Variants in USP33 observed in about 807,000 individuals in gnomAD.
The protein encoded by USP33 is ubiquitin specific peptidase 33.
USP33 carries 46 observed loss-of-function variants against 124.2 expected under a neutral mutation model. That is an observed-to-expected ratio of 0.37 (90% confidence interval 0.29 to 0.47). USP33 has a LOEUF of 0.47. USP33 is among the 20% of genes least tolerant of loss of function. The pLI is 0.99. For missense variants in USP33, 851 were observed against 1,070.6 expected (o/e 0.79, Z 2.86); for synonymous variants, 350 against 352.3 (o/e 0.99, Z 0.07).
chr1:77,739,510 C>T (rs1209162434), intron 4 of USP33, 93 bp from the exon 5 acceptor site: 1 of 1,260,978 alleles, frequency 7.9e-7, no homozygotes, highest in Non-Finnish European at 1.1e-6. Context: ...AAACTGCTTG[C>T]CTTTGATGAG....
intron 21 of USP33, among the ~76,000 whole-genome samples, chr1:77,708,376 T>A (rs530269955): frequency 6.6e-6 from 1 of 152,296 alleles, no homozygotes; most frequent in African/African-American, 2.4e-5. Context: ...TAAGTAGGGT[T>A]TTGCCACCAC....
chr1:77,747,549 C>T (rs1679869056), intron 1 of USP33, among the ~76,000 whole-genome samples: 1 of 152,162 alleles, frequency 6.6e-6, no homozygotes, highest in South Asian at 2.1e-4. Context: ...TGAGCCACTG[C>T]ACCAAGCCTA....
chr1:77,751,746 T>G (rs1680356560), intron 1 of USP33, among the ~76,000 whole-genome samples: 1 of 151,928 alleles, frequency 6.6e-6, no homozygotes, highest in African/African-American at 2.4e-5. Flanking sequence ...TTGAGTGCAG[T>G]GGCGCGATCT....
intron 1 of USP33, among the ~76,000 whole-genome samples, chr1:77,749,680 C>G (rs970452348): frequency 6.6e-6 from 1 of 152,160 alleles, no homozygotes; most frequent in Non-Finnish European, 1.5e-5. Context: ...CTGCACCCAG[C>G]CTGGTTTTAT....
At chr1:77,710,808 T>C (rs891029316) in intron 21 of USP33, among the ~76,000 whole-genome samples, 1 of 152,222 alleles carries the variant, frequency 6.6e-6, no homozygotes, top group African/African-American at 2.4e-5. Context: ...AGTAGATTTA[T>C]GAATAAACGT....
At chr1:77,721,228 A>G (rs747466386) in intron 14 of USP33, 23 bp from the exon 15 acceptor site, 4 of 1,613,448 alleles carry the variant, frequency 2.5e-6, no homozygotes, top group Admixed American at 1.7e-5. Context: ...CAGATCTGGC[A>G]TTGGTTTCAA....
chr1:77,753,536 A>C (rs1294088813), intron 1 of USP33, among the ~76,000 whole-genome samples: 1 of 152,188 alleles, frequency 6.6e-6, no homozygotes, highest in African/African-American at 2.4e-5. Context: ...TCTGGAATAC[A>C]GTATTTTATT....
At chr1:77,751,864 A>G (rs922946107) in intron 1 of USP33, among the ~76,000 whole-genome samples, 1 of 151,718 alleles carries the variant, frequency 6.6e-6, no homozygotes, top group African/African-American at 2.4e-5. Flanking sequence ...AATTTTTTGT[A>G]TTTCCAGTAG....
chr1:77,705,137 C>T, intron 21 of USP33, among the ~76,000 whole-genome samples: 1 of 134,124 alleles, frequency 7.5e-6, no homozygotes. Context: ...AGGGGGGGGG[C>T]TGAATAAAAC....
chr1:77,750,208 C>T (rs1570868665), intron 1 of USP33, among the ~76,000 whole-genome samples: 1 of 152,068 alleles, frequency 6.6e-6, no homozygotes, highest in East Asian at 1.9e-4. Flanking sequence ...ATCCCAGCTA[C>T]TCGGGAGGCT....
At position 77,729,501 on chromosome 1, in the gene USP33, T is replaced by C. The variant is rs542830881; in HGVS notation, c.717+359A>G. 1.2e-4 allele frequency among the ~76,000 whole-genome samples: 18 copies of C among 151,462 alleles called. No individual in the cohort carries two copies. In the South Asian group the frequency reaches 2.3e-3, roughly 19 times the overall value. ...GCTTGGCCAACATGACGAAACCCTA[T>C]CTCTACTGAAAACACAAAAATTAGC... On this transcript the variant is annotated intron_variant, in intron 9 of 23. Coordinates refer to ENST00000370794, the MANE Select transcript of USP33 (RefSeq NM_201624.3).
In USP33 at chr1:77,728,615, G is replaced by C. The variant is rs143778703; in HGVS notation, c.815C>G (p.Thr272Ser). ...CTTGTCTTCTTCCATTGTCTCCTCA[G>C]TGGTTATGGTTTGCGGATCTTCTTC... Reference protein sequence around the residue: ...EVEEDPQTITTEETMEEDKSQ... With the variant: ...EVEEDPQTITSEETMEEDKSQ... The change falls in exon 10 of 24, where the codon ACT becomes AGT. Residue 272 changes from threonine to serine, a missense_variant. By Grantham distance (58) the Thr-to-Ser change is moderately conservative. Around this residue, in one of 4 missense-constraint regions of USP33, gnomAD observed 207 missense variants for 200.9 expected, o/e 1.03. Coordinates refer to ENST00000370794, the MANE Select transcript of USP33 (RefSeq NM_201624.3). The C allele has an allele frequency of 1.2e-6, 2 of 1,614,084 alleles. No homozygotes were observed. The highest frequency in any genetic ancestry group is 2.2e-5 in the South Asian group (2 of 91,084).
intron 1 of USP33, among the ~76,000 whole-genome samples, chr1:77,753,578 G>A (rs1680540676): frequency 6.6e-6 from 1 of 152,014 alleles, no homozygotes; most frequent in Non-Finnish European, 1.5e-5. Context: ...CAGAATAAGA[G>A]TGCCTCTCAT....
intron 1 of USP33, among the ~76,000 whole-genome samples, chr1:77,743,229 G>T (rs907662485): frequency 6.6e-6 from 1 of 152,100 alleles, no homozygotes; most frequent in Admixed American, 6.5e-5. Context: ...ACAGGTGTGA[G>T]CCACTGCGCC....
intron 21 of USP33, among the ~76,000 whole-genome samples, chr1:77,707,300 T>C (rs1674739820): frequency 6.6e-6 from 1 of 152,192 alleles, no homozygotes. Flanking sequence ...CTCCATTCCT[T>C]GCCTGTCATG....
At position 77,696,017 on chromosome 1, in the gene USP33, T is replaced by G. The variant is rs1311940773; in HGVS notation, c.*1300A>C. The G allele has an allele frequency of 6.6e-6, 1 of 152,242 alleles. No homozygotes were observed. Among genetic ancestry groups the G allele is most frequent in the Non-Finnish European group, 1.5e-5 (1 of 68,048 alleles). 9.4% of individuals were successfully genotyped at this position (152,242 alleles called of 1,614,324 possible). A position where few individuals can be genotyped will look rare whatever the true frequency, so the allele number is the denominator to read the frequency against. The stretch of plus-strand genomic sequence containing the variant: ...CATTTTAAAGACATTTTTATTGAGC[T>G]AATTTTAACAACATTGCTTTAGCTG... On this transcript the variant is annotated 3_prime_UTR_variant, in exon 24 of 24. Coordinates refer to ENST00000370794, the MANE Select transcript of USP33 (RefSeq NM_201624.3).
chr1:77,742,560 A>C (rs1417722537), intron 1 of USP33, among the ~76,000 whole-genome samples: 2 of 134,178 alleles, frequency 1.5e-5, no homozygotes, highest in Non-Finnish European at 3.1e-5. Context: ...TAAGGCTAAG[A>C]GATGCAAACT....
intron 11 of USP33, among the ~76,000 whole-genome samples, chr1:77,723,745 A>G (rs1338824186): frequency 6.6e-6 from 1 of 152,022 alleles, no homozygotes; most frequent in Non-Finnish European, 1.5e-5. Flanking sequence ...CTCACTGCCA[A>G]GTTCTGCCTC....
chr1:77,721,323 A>G lies in USP33; in HGVS notation c.1658-118T>C, dbSNP rs1016493138. 7 of 1,084,770 alleles carry G rather than the reference A, an allele frequency of 6.5e-6. No individual in the cohort carries two copies. In the African/African-American group the frequency reaches 9.6e-5, roughly 15 times the overall value. The allele number at this position is 1,084,770 out of a possible 1,614,324, so 67.2% of individuals were successfully genotyped here. On this transcript the variant is annotated intron_variant, in intron 14 of 23. Transcript: ENST00000370794. ...TCCCAGCACAGAAAAACAAGGTTCC[A>G]TTTTTTTAATCTATGCTCATGAATC...
Sources: gnomAD v4.1 joint callset for allele counts (sites outside exome capture counted in the v4.1 genomes callset) on GRCh38, gnomAD v4.1.1 for gene constraint, gnomAD v4.1.1 regional missense constraint, MANE v1.5 for transcripts, NCBI Gene and HGNC (gene_info 2026-07-23, HGNC 2026-07-21) for gene names.